Variants in TSBP1 observed in about 807,000 individuals in gnomAD.
TSBP1 encodes the protein testis-expressed basic protein 1.
Under a neutral mutation model 68.8 loss-of-function variants are expected in TSBP1, and 56 were observed. The observed-to-expected ratio is 0.81, with a 90% CI of 0.66 to 1.02. The LOEUF (loss-of-function observed/expected upper bound fraction) is 1.02, where lower values mean the gene tolerates loss of function less well. Among genes scored for constraint, TSBP1 ranks in the 50% least tolerant of loss-of-function variants. The pLI is 0.00. For missense variants in TSBP1, 502 were observed against 641.2 expected (o/e 0.78, Z 2.34); for synonymous variants, 171 against 208.7 (o/e 0.82, Z 1.56).
At position 32,325,406 on chromosome 6, in the gene TSBP1, C is replaced by T. The variant is rs981685922; in HGVS notation, c.515-1792G>A. On this transcript the variant is annotated intron_variant, in intron 16 of 22. Transcript: ENST00000612031. The surrounding 1 kb of genome is among the most constrained non-coding windows in gnomAD (Gnocchi z 4.4). ...GGGGCTTTGGATTTTTCACATATGC[C>T]ACTGTGGAGGAGGTGGATGCAGCCG... 16 of 936,354 alleles carry T rather than the reference C, an allele frequency of 1.7e-5. No individual in the cohort carries two copies. In the Admixed American group the frequency reaches 2.7e-4, roughly 16 times the overall value. The allele number at this position is 936,354 out of a possible 1,614,324, so 58.0% of individuals were successfully genotyped here.
chr6:32,307,805 C>T (rs1321547053), intron 19 of TSBP1, among the ~76,000 whole-genome samples: 2 of 144,286 alleles, frequency 1.4e-5, no homozygotes, highest in African/African-American at 2.6e-5. Context: ...GACAGAATTT[C>T]GCTCTTGTCA....
chr6:32,355,223 T>C, intron 7 of TSBP1, 79 bp from the exon 8 acceptor site: 1 of 1,416,084 alleles, frequency 7.1e-7, no homozygotes, highest in Non-Finnish European at 1.0e-6. Context: ...CTTCAGTTGC[T>C]GTCACCCCCT....
rs4711294 is a variant in TSBP1 at position 32,363,285 on chromosome 6, G to C, written c.217+2882C>G. ...TTAGAGCTGGAGTGTGTCTGCTACAGGCAGCATAGATAGTTGCAACTTGTT... is the reference window on the plus strand; with the variant it reads ...TTAGAGCTGGAGTGTGTCTGCTACACGCAGCATAGATAGTTGCAACTTGTT... On this transcript the variant is annotated intron_variant, in intron 6 of 22. Coordinates refer to ENST00000612031, the Ensembl canonical transcript of TSBP1. Among the ~76,000 whole-genome samples, 1,013 of 152,046 alleles carry C rather than the reference G, an allele frequency of 6.7e-3. 18 individuals are homozygous for C. Among genetic ancestry groups the C allele is most frequent in the East Asian group, 0.019 (101 of 5,184 alleles).
chr6:32,362,714 A>G (rs1392201499), intron 6 of TSBP1, among the ~76,000 whole-genome samples: 1 of 152,196 alleles, frequency 6.6e-6, no homozygotes, highest in Non-Finnish European at 1.5e-5. Flanking sequence ...AACAACTTGC[A>G]AAGACCAATG....
chr6:32,310,761 A>ATATATATATATATTTTTTTTTTT lies in TSBP1; in HGVS notation c.580+5010_580+5011insAAAAAAAAAAATATATATATATA. Among the ~76,000 whole-genome samples the ATATATATATATATTTTTTTTTTT allele has an allele frequency of 2.1e-5, 3 of 144,806 alleles. 1 individual carries two copies. The highest frequency in any genetic ancestry group is 4.4e-4 in the South Asian group (2 of 4,570). The allele number at this position is 144,806 out of a possible 152,430, so 95.0% of individuals were successfully genotyped here. ...TATATATACATATATATATATATAT[A>ATATATATATATATTTTTTTTTTT]TTTTTAATCTTTTTAGAAAGGATAG... On this transcript the variant is annotated intron_variant, in intron 19 of 22. Transcript: ENST00000612031.
At chr6:32,298,146 C>A (rs1764896946) in intron 22 of TSBP1, among the ~76,000 whole-genome samples, 1 of 152,048 alleles carries the variant, frequency 6.6e-6, no homozygotes, top group African/African-American at 2.4e-5. Flanking sequence ...ATCATCAGAG[C>A]CCACCTTTTT....
At chr6:32,297,636 A>G (rs1383724384) in intron 22 of TSBP1, among the ~76,000 whole-genome samples, 2 of 152,246 alleles carry the variant, frequency 1.3e-5, no homozygotes, top group African/African-American at 4.8e-5. Context: ...AAAAGATCAT[A>G]TACTTATTAG....
Position 32,355,637 on chromosome 6 carries a change from G to A in TSBP1, c.238+12C>T. The A allele has an allele frequency of 6.3e-7, 1 of 1,591,118 alleles. No homozygotes were observed. Among genetic ancestry groups the A allele is most frequent in the Non-Finnish European group, 8.5e-7 (1 of 1,171,162 alleles). On this transcript the variant is annotated intron_variant, in intron 7 of 22. Transcript: ENST00000612031. ...GAAGCAAATTTTTGTTAAGAAGCAA[G>A]ATAATACTTACTGTAATCTCTTTTG...
intron 18 of TSBP1, chr6:32,320,178 T>C (rs578122379): frequency 0.039 from 17,393 of 440,868 alleles, 1,229 homozygotes; most frequent in South Asian, 0.091. Flanking sequence ...GTTGTGGCTC[T>C]CTTCTTGGTG....
Position 32,299,947 on chromosome 6 carries a change from A to C in TSBP1, c.623-11T>G, listed in dbSNP as rs1191896032. The C allele has an allele frequency of 1.2e-6, 2 of 1,607,338 alleles. No individual in the cohort carries two copies. Among genetic ancestry groups the C allele is most frequent in the Admixed American group, 1.7e-5 (1 of 59,992 alleles). On this transcript the variant is annotated splice_polypyrimidine_tract_variant and intron_variant, in intron 21 of 22. Transcript: ENST00000612031. ...CCACAGGAGTCAGTGCTAAAAACAA[A>C]ACACAAAAGAAAGATCAGTGAGGAT... is the stretch of plus-strand genomic sequence containing the variant.
rs1765593444 is a variant in TSBP1, at chr6:32,304,456, A to G, written c.581-1827T>C. 6.6e-6 allele frequency among the ~76,000 whole-genome samples: 1 copy of G among 152,208 alleles called. No individual in the cohort carries two copies. The highest frequency in any genetic ancestry group is 1.5e-5 in the Non-Finnish European group (1 of 68,040). ...ACCTTTGGGAAACATTAAATCTTCT[A>G]GGAATATGCTATCTCTTATTAAGTC... On this transcript the variant is annotated intron_variant, in intron 19 of 22. Coordinates refer to ENST00000612031, the Ensembl canonical transcript of TSBP1. The surrounding 1 kb of genome is among the most constrained non-coding windows in gnomAD (Gnocchi z 4.8).
chr6:32,367,960 A>G lies in TSBP1; in HGVS notation c.134-3T>C. On this transcript the variant is annotated splice_polypyrimidine_tract_variant and splice_region_variant and intron_variant, in intron 3 of 22. Transcript: ENST00000612031. ...CTCATAGTCCAGAAGTCTAGCACCT[A>G]GAAAAAAAGGGAGAGCACATGATTT... The G allele has an allele frequency of 3.7e-6, 6 of 1,608,756 alleles. No homozygotes were observed. Among genetic ancestry groups the G allele is most frequent in the Non-Finnish European group, 5.1e-6 (6 of 1,178,216 alleles).
intron 19 of TSBP1, among the ~76,000 whole-genome samples, chr6:32,305,855 G>A (rs1765733733): frequency 6.6e-6 from 1 of 152,212 alleles, no homozygotes; most frequent in African/African-American, 2.4e-5. Flanking sequence ...AATTGGAACT[G>A]AGAAACATTT....
At chr6:32,364,927 A>C (rs1365622716) in intron 6 of TSBP1, among the ~76,000 whole-genome samples, 1 of 151,536 alleles carries the variant, frequency 6.6e-6, no homozygotes, top group Non-Finnish European at 1.5e-5. Flanking sequence ...AGAAAATCTC[A>C]CTCTGCTACC....
intron 16 of TSBP1, among the ~76,000 whole-genome samples, chr6:32,324,120 G>A (rs1189653431): frequency 6.6e-6 from 1 of 152,130 alleles, no homozygotes; most frequent in African/African-American, 2.4e-5. Context: ...TTTAAAAGGT[G>A]AGAGAATGAT....
chr6:32,364,063 T>C (rs1437193918), intron 6 of TSBP1, among the ~76,000 whole-genome samples: 1 of 152,170 alleles, frequency 6.6e-6, no homozygotes, highest in African/African-American at 2.4e-5. Flanking sequence ...CATCCCACTA[T>C]GTACTGGCCT....
chr6:32,360,005 A>G (rs1305489845), intron 6 of TSBP1, among the ~76,000 whole-genome samples: 1 of 152,184 alleles, frequency 6.6e-6, no homozygotes, highest in Non-Finnish European at 1.5e-5. Flanking sequence ...GCTAATTAAC[A>G]TATCTACCAC....
rs185005220 is a variant in TSBP1, at chr6:32,366,663, T to C, written c.167-361A>G. 5.8e-4 allele frequency among the ~76,000 whole-genome samples: 84 copies of C among 145,244 alleles called. 1 individual carries two copies. In the East Asian group the frequency reaches 0.017, roughly 29 times the overall value. On this transcript the variant is annotated intron_variant, in intron 4 of 22. Transcript: ENST00000612031. ...TGCCTGTGGTCACTGCTCAGAAGGCTGAGAGAGGAGAATGGCGTGAACCCG... is the reference window on the plus strand; with the variant it reads ...TGCCTGTGGTCACTGCTCAGAAGGCCGAGAGAGGAGAATGGCGTGAACCCG...
chr6:32,370,887 A>G (rs1774344770), intron 1 of TSBP1, among the ~76,000 whole-genome samples: 1 of 152,114 alleles, frequency 6.6e-6, no homozygotes, highest in Non-Finnish European at 1.5e-5. Flanking sequence ...AGAAGAAAAA[A>G]ACAACCATAA....
Sources: gnomAD v4.1 joint callset for allele counts (sites outside exome capture counted in the v4.1 genomes callset) on GRCh38, gnomAD v4.1.1 for gene constraint, Gnocchi (gnomAD v3.1) non-coding constraint, MANE v1.5 for transcripts, NCBI Gene and HGNC (gene_info 2026-07-23, HGNC 2026-07-21) for gene names.